Variants in BICC1 observed in about 807,000 individuals in gnomAD.
BICC1 encodes the protein protein bicaudal C homolog 1.
In BICC1, 43 loss-of-function variants were observed where a neutral mutation model predicts 111.0. The observed-to-expected ratio is 0.39, with a 90% CI of 0.30 to 0.50. The LOEUF (loss-of-function observed/expected upper bound fraction) is 0.50, where lower values mean the gene tolerates loss of function less well. Ranked by LOEUF, BICC1 falls within the 20% of genes least tolerant of loss-of-function variation. The pLI is 0.88. For synonymous variants in BICC1, 467 were observed against 434.4 expected (o/e 1.07, Z -0.93); for missense variants, 1,091 against 1,203.2 (o/e 0.91, Z 1.38).
chr10:58,640,418 G>T (rs962922865), intron 2 of BICC1, among the ~76,000 whole-genome samples: 3 of 152,192 alleles, frequency 2.0e-5, no homozygotes, highest in Admixed American at 2.0e-4. Flanking sequence ...AAGCTGCATT[G>T]TGGCTTTTTT....
intron 15 of BICC1, among the ~76,000 whole-genome samples, chr10:58,803,455 T>C (rs752591414): frequency 6.6e-6 from 1 of 152,244 alleles, no homozygotes; most frequent in Non-Finnish European, 1.5e-5. Flanking sequence ...CTTTAAAATA[T>C]ATTAAAAATG....
Position 58,715,845 on chromosome 10 carries a change from AAAG to A in BICC1, c.307+13708_307+13710del, listed in dbSNP as rs1840723300. 2.8e-5 allele frequency: 36 copies of A among 1,264,142 alleles called. 2 individuals are homozygous for A. The South Asian group carries it at 3.7e-4, about 13-fold the overall frequency. 78.3% of individuals were successfully genotyped at this position (1,264,142 alleles called of 1,614,324 possible). A position where few individuals can be genotyped will look rare whatever the true frequency, so the allele number is the denominator to read the frequency against. ...AAAAAAGACAGAGAAAGAAAAAAGA[AAAG>A]AAGAAATCTGATAGGTATTCATCTT... On this transcript the variant is annotated intron_variant, in intron 3 of 20. Transcript: ENST00000373886.
chr10:58,540,540 A>G (rs1037846301), intron 1 of BICC1, among the ~76,000 whole-genome samples: 13 of 152,070 alleles, frequency 8.5e-5, no homozygotes, highest in Non-Finnish European at 1.8e-4. Flanking sequence ...ATTTCCAGAA[A>G]TGTACAATCA....
intron 3 of BICC1, among the ~76,000 whole-genome samples, chr10:58,744,481 A>T (rs1291410524): frequency 6.6e-6 from 1 of 152,136 alleles, no homozygotes; most frequent in African/African-American, 2.4e-5. Context: ...TTGTTAAAAA[A>T]TTAGAATGAG....
intron 1 of BICC1, among the ~76,000 whole-genome samples, chr10:58,591,444 A>C (rs1844615624): frequency 6.6e-6 from 1 of 152,254 alleles, no homozygotes; most frequent in African/African-American, 2.4e-5. Context: ...CTGGCCTTCA[A>C]AGATGTGCCT....
chr10:58,800,983 A>G lies in BICC1; in HGVS notation c.1952A>G (p.Lys651Arg). 1.9e-6 allele frequency: 3 copies of G among 1,612,880 alleles called. No homozygotes were observed. The highest frequency in any genetic ancestry group is 1.3e-5 in the African/African-American group (1 of 74,978). Residue 651 changes from lysine to arginine, a missense_variant, in exon 14 of 21, where the codon AAG (lysine) becomes AGG (arginine). By Grantham distance (26) the Lys-to-Arg change is conservative (BLOSUM62 2). Transcript: ENST00000373886. ...TTGAAACAGATGATGTGTCCCTCCA[A>G]GGTTTCCTGTGCCAAAAGGCAGACA... ...GDLKQMMCPSKVSCAKRQTVE... is the reference protein window; with the variant it reads ...GDLKQMMCPSRVSCAKRQTVE...
chr10:58,591,143 T>C (rs1347788450), intron 1 of BICC1, among the ~76,000 whole-genome samples: 2 of 152,192 alleles, frequency 1.3e-5, no homozygotes, highest in Non-Finnish European at 2.9e-5. Flanking sequence ...ACATACATGT[T>C]TGCTAACGTT....
At chr10:58,703,950 C>CT (rs5785340) in intron 3 of BICC1, among the ~76,000 whole-genome samples, 151,910 of 152,300 alleles carry the variant, frequency 1, 75,761 homozygotes, top group Middle Eastern at 1. Context: ...TTCCTCTCCC[C>CT]ATGCCATTAT....
intron 1 of BICC1, among the ~76,000 whole-genome samples, chr10:58,607,654 C>T (rs1174319871): frequency 6.6e-6 from 1 of 152,132 alleles, no homozygotes; most frequent in East Asian, 1.9e-4. Flanking sequence ...ATCTCCTTCT[C>T]AATCTCTTCC....
intron 15 of BICC1, among the ~76,000 whole-genome samples, chr10:58,804,576 A>T (rs984240036): frequency 1.7e-4 from 26 of 152,228 alleles, no homozygotes; most frequent in African/African-American, 4.8e-4. Flanking sequence ...TGGTGGATGT[A>T]TTTTCAGTTA....
chr10:58,583,553 C>CT (rs1844340761), intron 1 of BICC1, among the ~76,000 whole-genome samples: 2 of 149,524 alleles, frequency 1.3e-5, no homozygotes, highest in African/African-American at 2.5e-5. Flanking sequence ...TTCTTTCTTC[C>CT]TTTTTTATGG....
chr10:58,817,546 C>T lies in BICC1; in HGVS notation c.2534-16C>T, dbSNP rs762017325. 20 of 1,613,198 alleles carry T rather than the reference C, an allele frequency of 1.2e-5. No homozygotes were observed. Among genetic ancestry groups the T allele is most frequent in the Non-Finnish European group, 1.7e-5 (20 of 1,179,446 alleles). On this transcript the variant is annotated splice_polypyrimidine_tract_variant and intron_variant, in intron 18 of 20. Transcript: ENST00000373886. ...GGGCATTTACACTTCAAGCCTGTCT[C>T]TCCTTTGCCTTTCAGCGGAACACTA...
intron 1 of BICC1, among the ~76,000 whole-genome samples, chr10:58,550,578 A>G (rs372443621): frequency 6.6e-6 from 1 of 152,112 alleles, no homozygotes; most frequent in Non-Finnish European, 1.5e-5. Context: ...TTTTATGTCT[A>G]GGTTTATGAT....
chr10:58,616,426 GCTGCACAAC>G (rs576925229), intron 1 of BICC1, among the ~76,000 whole-genome samples: 144 of 152,360 alleles, frequency 9.5e-4, no homozygotes, highest in Non-Finnish European at 1.7e-3. Context: ...GAAGGACATT[GCTGCACAAC>G]CTGGTCCCAC....
intron 2 of BICC1, among the ~76,000 whole-genome samples, chr10:58,649,258 T>C (rs1398521728): frequency 6.6e-6 from 1 of 152,192 alleles, no homozygotes; most frequent in East Asian, 1.9e-4. Context: ...ACTGCTTAAG[T>C]GACAGACTTG....
Position 58,814,352 on chromosome 10 carries a change from A to G in BICC1, c.2533+366A>G, listed in dbSNP as rs1464065903. ...ATTCTGTTATGCTCTGCCTTATTGG[A>G]TATTTCTTCCCAAACGCCTAGTGAA... On this transcript the variant is annotated intron_variant, in intron 18 of 20. Coordinates refer to ENST00000373886, the MANE Select transcript of BICC1 (RefSeq NM_001080512.3). The G allele has an allele frequency of 1.1e-5, 6 of 538,388 alleles. No homozygotes were observed. The East Asian group carries it at 1.5e-4, about 14-fold the overall frequency. 33.4% of individuals were successfully genotyped at this position (538,388 alleles called of 1,614,324 possible).
chr10:58,694,109 G>A (rs1234394167), intron 2 of BICC1, among the ~76,000 whole-genome samples: 2 of 152,124 alleles, frequency 1.3e-5, no homozygotes, highest in Non-Finnish European at 2.9e-5. Context: ...AGCAATGTCA[G>A]CATTCCCACA....
At position 58,817,772 on chromosome 10, in the gene BICC1, G is replaced by A. The variant is rs192323872; in HGVS notation, c.2694+50G>A. ...GTATCTTTGTTTTGATTGTGTGTAT[G>A]ATGACTTCTAGAATGAAATCACTTA... On this transcript the variant is annotated intron_variant, in intron 19 of 20. Coordinates refer to ENST00000373886, the MANE Select transcript of BICC1 (RefSeq NM_001080512.3). 331 of 1,532,146 alleles carry A rather than the reference G, an allele frequency of 2.2e-4. 1 individual carries two copies. In the African/African-American group the frequency reaches 4.3e-3, roughly 20 times the overall value. 94.9% of individuals were successfully genotyped at this position (1,532,146 alleles called of 1,614,324 possible).
In BICC1 at chr10:58,717,977, G is replaced by T. The variant is rs57457580; in HGVS notation, c.307+15834G>T. On this transcript the variant is annotated intron_variant, in intron 3 of 20. Transcript: ENST00000373886. ...AAAAAAACAAAAAAAACCTCATGTT[G>T]TCATATGCACTTTCTTAATAGAAAA... 5.9e-5 allele frequency among the ~76,000 whole-genome samples: 9 copies of T among 152,272 alleles called. No homozygotes were observed. In the East Asian group the frequency reaches 1.5e-3, roughly 26 times the overall value.
Sources: allele counts gnomAD v4.1 joint callset (sites outside exome capture counted in the v4.1 genomes callset), GRCh38; gene constraint gnomAD v4.1.1; transcripts MANE v1.5; gene names NCBI Gene and HGNC (gene_info 2026-07-23, HGNC 2026-07-21).